The following USP7 variants were observed in gnomAD, a reference collection of about 807,000 sequenced individuals.
USP7 encodes ubiquitin C-terminal hydrolase 7.
In USP7, 9 loss-of-function variants were observed where a neutral mutation model predicts 162.9. The ratio of observed to expected loss-of-function variants is 0.06; its 90% CI spans 0.03 to 0.10. The LOEUF (loss-of-function observed/expected upper bound fraction) is 0.10. Ranked by LOEUF, USP7 falls within the 10% of genes least tolerant of loss-of-function variation. The pLI is 1.00. For missense variants in USP7, 715 were observed against 1,373.7 expected, an observed-to-expected ratio of 0.52 and a Z score of 7.58; for synonymous variants, 562 against 475.9, an observed-to-expected ratio of 1.18 and a Z score of -2.35.
intron 1 of USP7, among the ~76,000 whole-genome samples, chr16:8,946,529 G>A (rs1282575633): frequency 5.9e-5 from 9 of 152,188 alleles, no homozygotes; most frequent in African/African-American, 2.2e-4. Context: ...TCTGCAAATC[G>A]CGTATCTTAC....
In USP7 at chr16:8,906,599, T is replaced by C; in HGVS notation, c.1272-17A>G. ...AATTCAAACCTATTAGAAAACATTT[T>C]AAAAGAAATTCAGTATTAATTTACA... is the stretch of plus-strand genomic sequence containing the variant. On this transcript the variant is annotated splice_polypyrimidine_tract_variant and intron_variant, in intron 12 of 30. Transcript: ENST00000344836. 1 of 1,606,474 alleles carries C rather than the reference T, an allele frequency of 6.2e-7. No individual in the cohort carries two copies. Among genetic ancestry groups the C allele is most frequent in the East Asian group, 2.2e-5 (1 of 44,814 alleles).
At chr16:8,905,781 G>C (rs947168619) in intron 13 of USP7, among the ~76,000 whole-genome samples, 2 of 152,158 alleles carry the variant, frequency 1.3e-5, no homozygotes, top group Non-Finnish European at 2.9e-5. Context: ...GCAAGTTAAG[G>C]GCCAGACTGA....
chr16:8,921,345 T>C (rs1212365787), intron 3 of USP7, 50 bp from the exon 4 acceptor site: 1 of 1,590,200 alleles, frequency 6.3e-7, no homozygotes, highest in African/African-American at 1.3e-5. Context: ...TACCAGATGT[T>C]ATACATTTTT....
chr16:8,917,783 T>G (rs528778354), intron 6 of USP7, among the ~76,000 whole-genome samples: 17 of 152,258 alleles, frequency 1.1e-4, no homozygotes, highest in Non-Finnish European at 2.2e-4. Flanking sequence ...GAGCACCATT[T>G]CTTTTTTTGT....
chr16:8,893,953 G>T lies in USP7; in HGVS notation c.*45C>A. 6.3e-7 allele frequency: 1 copy of T among 1,576,430 alleles called. No individual in the cohort carries two copies. The highest frequency in any genetic ancestry group is 1.1e-5 in the South Asian group (1 of 90,380). ...GCACCAAAGTTCTAGGCTGTTAAGG[G>T]GCCACCCACACACCGTCCTCGCCTT... On this transcript the variant is annotated 3_prime_UTR_variant, in exon 31 of 31. Transcript: ENST00000344836.
chr16:8,955,294 G>C (rs528308561), intron 1 of USP7, among the ~76,000 whole-genome samples: 98 of 152,340 alleles, frequency 6.4e-4, no homozygotes, highest in African/African-American at 2.2e-3. Flanking sequence ...CCCCAGGCTA[G>C]AGTGCAGTGA....
At chr16:8,952,580 G>C (rs1442727358) in intron 1 of USP7, among the ~76,000 whole-genome samples, 3 of 152,162 alleles carry the variant, frequency 2.0e-5, no homozygotes, top group Non-Finnish European at 4.4e-5. Context: ...CTCTGGCACT[G>C]ATGACTGTGA....
At chr16:8,910,079 C>G (rs991448441) in intron 11 of USP7, among the ~76,000 whole-genome samples, 5 of 152,146 alleles carry the variant, frequency 3.3e-5, no homozygotes, top group African/African-American at 1.2e-4. Context: ...AAGCACAGGC[C>G]AGACTGACAT....
chr16:8,923,692 A>C (rs1567227485), intron 2 of USP7, among the ~76,000 whole-genome samples: 1 of 152,242 alleles, frequency 6.6e-6, no homozygotes, highest in Non-Finnish European at 1.5e-5. Flanking sequence ...TGTCTACTTT[A>C]CTAAAGCTGA....
Position 8,895,693 on chromosome 16 carries a change from A to C in USP7, c.2868T>G (p.Asp956Glu). Reference protein sequence around the residue: ...SYKIIGVHQEDELLECLSPAT... With the variant: ...SYKIIGVHQEEELLECLSPAT... ...CAGGAGATAAACATTCTAATAGTTC[A>C]TCTTCTTGATGAACACCAATGATTT... The change falls in exon 27 of 31, where the codon GAT (aspartate) becomes GAG (glutamate). Residue 956 changes from aspartate to glutamate, a missense_variant. By Grantham distance (45) the Asp-to-Glu change is conservative. Around this residue, in one of 11 missense-constraint regions of USP7, gnomAD observed 222 missense variants for 441.7 expected, o/e 0.50. Transcript: ENST00000344836. The C allele has an allele frequency of 6.2e-7, 1 of 1,613,508 alleles. No homozygotes were observed. The highest frequency in any genetic ancestry group is 1.1e-5 in the South Asian group (1 of 90,780).
intron 4 of USP7, 29 bp downstream of exon 4, chr16:8,921,128 T>A (rs371755960): frequency 6.2e-7 from 1 of 1,609,364 alleles, no homozygotes; most frequent in East Asian, 2.2e-5. Context: ...AATGCACCAA[T>A]TGTTCAGACT....
At chr16:8,955,562 C>T (rs557351197) in intron 1 of USP7, among the ~76,000 whole-genome samples, 4 of 152,064 alleles carry the variant, frequency 2.6e-5, no homozygotes, top group Admixed American at 1.3e-4. Context: ...AAAAATTAGC[C>T]GGGCATGGCG....
chr16:8,961,429 T>C (rs1237767218), intron 1 of USP7, among the ~76,000 whole-genome samples: 2 of 137,932 alleles, frequency 1.4e-5, no homozygotes, highest in South Asian at 2.3e-4. Context: ...GAGACGGAGG[T>C]TGTAGTGACC....
chr16:8,956,015 G>A (rs932792295), intron 1 of USP7, among the ~76,000 whole-genome samples: 7 of 151,902 alleles, frequency 4.6e-5, no homozygotes, highest in South Asian at 2.1e-4. Flanking sequence ...ACCATGTTCC[G>A]CAATACAAGT....
At chr16:8,908,922 AG>A (rs2061900924) in intron 11 of USP7, among the ~76,000 whole-genome samples, 1 of 152,264 alleles carries the variant, frequency 6.6e-6, no homozygotes, top group Admixed American at 6.5e-5. Flanking sequence ...ATGAGTCGGC[AG>A]GATTATAAGC....
chr16:8,960,060 T>C (rs533975968), intron 1 of USP7, among the ~76,000 whole-genome samples: 1 of 152,352 alleles, frequency 6.6e-6, no homozygotes, highest in Middle Eastern at 3.4e-3. Flanking sequence ...ACACCGACCA[T>C]CTGAGTATTC....
rs188214337 is a variant in USP7, at chr16:8,908,198, G to T, written c.1271+143C>A. 1.4e-5 allele frequency: 10 copies of T among 697,882 alleles called. No individual in the cohort carries two copies. The Admixed American group carries it at 2.3e-4, about 16-fold the overall frequency. The allele number at this position is 697,882 out of a possible 1,614,324, so 43.2% of individuals were successfully genotyped here. On this transcript the variant is annotated intron_variant, in intron 12 of 30. Coordinates refer to ENST00000344836, the MANE Select transcript of USP7 (RefSeq NM_003470.3). ...ATAAAATCATTCCTTTAACACTGCG[G>T]CTCTTGGGACACAGAGGTAGAAGGA...
intron 18 of USP7, 131 bp from the exon 19 acceptor site, chr16:8,901,365 T>C (rs1351544604): frequency 1.4e-5 from 9 of 664,670 alleles, no homozygotes; most frequent in Non-Finnish European, 2.3e-5. Context: ...ACAAGTGAAA[T>C]GACAGCTTAA....
intron 1 of USP7, among the ~76,000 whole-genome samples, chr16:8,961,694 C>T (rs1253768236): frequency 4.6e-5 from 7 of 152,046 alleles, no homozygotes; most frequent in Non-Finnish European, 8.8e-5. Flanking sequence ...TTGTCTTGAC[C>T]GGGTACCATT....
Sources: allele counts gnomAD v4.1 joint callset (sites outside exome capture counted in the v4.1 genomes callset), GRCh38; gene constraint gnomAD v4.1.1; regional missense constraint gnomAD v4.1.1; transcripts MANE v1.5; gene names NCBI Gene and HGNC (gene_info 2026-07-23, HGNC 2026-07-21).